Variants in TNFSF4 observed in about 807,000 individuals in gnomAD.
TNFSF4 encodes the protein tumor necrosis factor ligand superfamily member 4.
A neutral mutation model predicts 7.3 loss-of-function variants in TNFSF4; 4 were observed. That is an observed-to-expected ratio of 0.55 (90% CI 0.27 to 1.25). The LOEUF (loss-of-function observed/expected upper bound fraction) is 1.25, where lower values mean the gene tolerates loss of function less well. Among genes scored for constraint, TNFSF4 ranks in the 50% most tolerant of loss-of-function variants. The pLI, the probability that TNFSF4 is intolerant of heterozygous loss-of-function variation, is 0.12. For synonymous variants in TNFSF4, 76 were observed against 83.7 expected (o/e 0.91, Z 0.50); for missense variants, 181 against 208.8 (o/e 0.87, Z 0.82).
the TNFSF4 span, among the ~76,000 whole-genome samples, chr1:173,230,827 A>G: frequency 6.6e-6 from 1 of 152,250 alleles, no homozygotes; most frequent in African/African-American, 2.4e-5. Flanking sequence ...CTCTACGCAA[A>G]TAAACTAGAA....
At chr1:173,224,753 A>C in the TNFSF4 span, among the ~76,000 whole-genome samples, 2 of 152,278 alleles carry the variant, frequency 1.3e-5, no homozygotes, top group African/African-American at 4.8e-5. Flanking sequence ...GAGTAATGCA[A>C]TTAAACTGGG....
the TNFSF4 span, among the ~76,000 whole-genome samples, chr1:173,297,868 A>G: frequency 1.3e-5 from 2 of 151,992 alleles, no homozygotes; most frequent in African/African-American, 4.8e-5. Flanking sequence ...CTGGTTAGAA[A>G]TCATTCAACT....
At chr1:173,308,317 G>C in the TNFSF4 span, among the ~76,000 whole-genome samples, 2 of 150,972 alleles carry the variant, frequency 1.3e-5, no homozygotes, top group African/African-American at 4.9e-5. Flanking sequence ...GTGTGTCTGT[G>C]TGTGTGTGTG....
At chr1:173,324,872 T>G in the TNFSF4 span, among the ~76,000 whole-genome samples, 5 of 152,146 alleles carry the variant, frequency 3.3e-5, no homozygotes, top group Admixed American at 1.3e-4. Flanking sequence ...AGCAAGTCCT[T>G]AGTGACCTAC....
chr1:173,379,813 C>T, the TNFSF4 span, among the ~76,000 whole-genome samples: 9,009 of 152,212 alleles, frequency 0.059, 903 homozygotes, highest in African/African-American at 0.2. Context: ...TTTACAAGGA[C>T]ACTTTAAAAC....
chr1:173,232,101 G>T, the TNFSF4 span, among the ~76,000 whole-genome samples: 1 of 152,150 alleles, frequency 6.6e-6, no homozygotes, highest in Non-Finnish European at 1.5e-5. Context: ...TATCCATGAG[G>T]ATGGAATGTT....
At chr1:173,317,795 G>A in the TNFSF4 span, among the ~76,000 whole-genome samples, 6 of 152,256 alleles carry the variant, frequency 3.9e-5, no homozygotes, top group South Asian at 4.1e-4. Context: ...GGATTTTTCC[G>A]TTAGAGAGGG....
chr1:173,419,908 G>C, the TNFSF4 span, among the ~76,000 whole-genome samples: 2,681 of 152,050 alleles, frequency 0.018, 91 homozygotes, highest in African/African-American at 0.061. Flanking sequence ...TGTGTGGCGG[G>C]GGGGGGGATG....
At chr1:173,334,359 C>G in the TNFSF4 span, among the ~76,000 whole-genome samples, 2 of 152,140 alleles carry the variant, frequency 1.3e-5, no homozygotes, top group African/African-American at 4.8e-5. Flanking sequence ...GTATCGTTCT[C>G]AAATTAAAGA....
chr1:173,316,910 C>T, the TNFSF4 span, among the ~76,000 whole-genome samples: 1 of 152,242 alleles, frequency 6.6e-6, no homozygotes, highest in East Asian at 1.9e-4. Flanking sequence ...ACCTTTAAGA[C>T]TATGATCCAT....
At chr1:173,396,276 G>A in the TNFSF4 span, among the ~76,000 whole-genome samples, 65 of 152,308 alleles carry the variant, frequency 4.3e-4, no homozygotes, top group African/African-American at 1.3e-3. Context: ...CTGGGAGGCC[G>A]ATGTAGAAGG....
chr1:173,210,741 G>T (rs1650349274), upstream of TNFSF4, among the ~76,000 whole-genome samples: 1 of 152,106 alleles, frequency 6.6e-6, no homozygotes, highest in South Asian at 2.1e-4. Context: ...GGGGAAAAGA[G>T]ACAGATATGG....
At chr1:173,205,355 C>T in intron 1 of TNFSF4, 1 of 1,611,886 alleles carries the variant, frequency 6.2e-7, no homozygotes, top group Non-Finnish European at 8.5e-7. Flanking sequence ...CTTTTCTTCC[C>T]ACAGCTTTCC....
At chr1:173,419,910 G>C in the TNFSF4 span, among the ~76,000 whole-genome samples, 12 of 151,954 alleles carry the variant, frequency 7.9e-5, no homozygotes, top group Admixed American at 1.3e-4. Flanking sequence ...TGTGGCGGGG[G>C]GGGGGATGAG....
At chr1:173,432,975 A>G in the TNFSF4 span, among the ~76,000 whole-genome samples, 16 of 152,228 alleles carry the variant, frequency 1.1e-4, no homozygotes, top group Non-Finnish European at 2.2e-4. Flanking sequence ...ATGTGAAAAT[A>G]TGTATGTATG....
chr1:173,328,410 C>T, the TNFSF4 span, among the ~76,000 whole-genome samples: 10 of 151,342 alleles, frequency 6.6e-5, no homozygotes, highest in South Asian at 2.1e-4. Flanking sequence ...TGCTAAATGA[C>T]GAGTTAATGG....
the TNFSF4 span, among the ~76,000 whole-genome samples, chr1:173,276,562 G>A: frequency 6.6e-6 from 1 of 152,158 alleles, no homozygotes; most frequent in Non-Finnish European, 1.5e-5. Flanking sequence ...GGAGGCCTTA[G>A]AGCCACAGGA....
the TNFSF4 span, among the ~76,000 whole-genome samples, chr1:173,248,437 G>T: frequency 6.7e-6 from 1 of 148,598 alleles, no homozygotes; most frequent in Non-Finnish European, 1.5e-5. Flanking sequence ...GAGAAAGAAA[G>T]AGAGGAGAAA....
At position 173,186,396 on chromosome 1, in the gene TNFSF4, G is replaced by A; in HGVS notation, c.*120C>T. The A allele has an allele frequency of 1.3e-6, 1 of 776,642 alleles. No individual in the cohort carries two copies. Among genetic ancestry groups the A allele is most frequent in the Non-Finnish European group, 2.0e-6 (1 of 490,508 alleles). The allele number at this position is 776,642 out of a possible 1,614,324, so 48.1% of individuals were successfully genotyped here. A position where few individuals can be genotyped will look rare whatever the true frequency, so the allele number is the denominator to read the frequency against. On this transcript the variant is annotated 3_prime_UTR_variant, in exon 3 of 3. Coordinates refer to ENST00000281834, the MANE Select transcript of TNFSF4 (RefSeq NM_003326.5). Reference sequence around the variant, plus strand: ...GCGGGAGGGCCAGGATCTGCTTCTTGTCACATCCCACGTGGCTGAGCTGGG... The same window carrying A: ...GCGGGAGGGCCAGGATCTGCTTCTTATCACATCCCACGTGGCTGAGCTGGG...
Sources: gnomAD v4.1 joint callset for allele counts (sites outside exome capture counted in the v4.1 genomes callset) on GRCh38, gnomAD v4.1.1 for gene constraint, MANE v1.5 for transcripts, NCBI Gene and HGNC (gene_info 2026-07-23, HGNC 2026-07-21) for gene names.